Variants in TRIM55 observed in about 807,000 individuals in gnomAD.
TRIM55 encodes the protein tripartite motif-containing protein 55.
A neutral mutation model predicts 60.9 loss-of-function variants in TRIM55; 50 were observed. That is an observed-to-expected ratio of 0.82 (90% CI 0.65 to 1.04). TRIM55 has a LOEUF of 1.04. TRIM55 is among the 50% of genes least tolerant of loss of function. The pLI is 0.00. For synonymous variants in TRIM55, 237 were observed against 238.1 expected (o/e 1.00, Z 0.04); for missense variants, 681 against 666.9 (o/e 1.02, Z -0.23).
intron 9 of TRIM55, among the ~76,000 whole-genome samples, chr8:66,165,607 C>T (rs1167807155): frequency 1.3e-5 from 2 of 152,182 alleles, no homozygotes; most frequent in Non-Finnish European, 2.9e-5. Flanking sequence ...GAGATCCCTA[C>T]TGAGAGCAAT....
intron 9 of TRIM55, among the ~76,000 whole-genome samples, chr8:66,159,685 G>T (rs1012129747): frequency 3.3e-5 from 5 of 152,262 alleles, no homozygotes; most frequent in Admixed American, 6.5e-5. Flanking sequence ...CCTACTCTAC[G>T]TTCTACCAGC....
At chr8:66,115,275 G>A in the TRIM55 span, 1 of 152,092 alleles carries the variant, frequency 6.6e-6, no homozygotes, top group Admixed American at 6.5e-5. Flanking sequence ...TCATTTTCTA[G>A]GGTGGTCTCC....
intron 2 of TRIM55, among the ~76,000 whole-genome samples, chr8:66,134,748 G>A (rs1278928170): frequency 3.3e-5 from 5 of 152,072 alleles, no homozygotes; most frequent in East Asian, 1.9e-4. Flanking sequence ...GGATCTCCAC[G>A]TCTCTGTCCC....
chr8:66,149,671 G>A lies in TRIM55; in HGVS notation c.630G>A (p.Glu210=). 1 of 1,614,104 alleles carries A rather than the reference G, an allele frequency of 6.2e-7. No individual in the cohort carries two copies. The highest frequency in any genetic ancestry group is 1.1e-5 in the South Asian group (1 of 91,090). ...IEECCRKQKQ[E]LCEKFDYLYG... ...AATGTTGCAGAAAACAGAAACAAGA[G>A]CTTTGTGAGAAGTTTGATTACCTGT... The change falls in exon 5 of 10, where the codon GAG becomes GAA. Residue 210 remains glutamate (E), a synonymous_variant. Coordinates refer to ENST00000315962, the MANE Select transcript of TRIM55 (RefSeq NM_184085.2).
At chr8:66,149,911 C>T (rs977353893) in intron 5 of TRIM55, 33 bp downstream of exon 5, 11 of 1,524,002 alleles carry the variant, frequency 7.2e-6, no homozygotes, top group Non-Finnish European at 1.0e-5. Context: ...AGTAACAACC[C>T]AAAAGGTGGG....
intron 2 of TRIM55, among the ~76,000 whole-genome samples, chr8:66,131,281 T>C (rs568670446): frequency 1.3e-5 from 2 of 152,294 alleles, no homozygotes; most frequent in South Asian, 2.1e-4. Context: ...TCATTACTAC[T>C]GGGCCTCTGA....
chr8:66,114,477 G>A, the TRIM55 span: 2 of 445,970 alleles, frequency 4.5e-6, no homozygotes, highest in Admixed American at 2.4e-5. Context: ...GGTTATTTTT[G>A]CTTCAAAAAT....
intron 9 of TRIM55, among the ~76,000 whole-genome samples, chr8:66,170,103 A>G (rs1269073632): frequency 9.2e-5 from 14 of 152,164 alleles, no homozygotes; most frequent in Admixed American, 8.5e-4. Context: ...GGGAGTATAT[A>G]ATGTGTATAC....
chr8:66,124,320 C>T (rs568277490), upstream of TRIM55, among the ~76,000 whole-genome samples: 1 of 152,180 alleles, frequency 6.6e-6, no homozygotes, highest in Non-Finnish European at 1.5e-5. Flanking sequence ...AAACTTTTAA[C>T]GACTTCCTGC....
chr8:66,149,793 A>G lies in TRIM55; in HGVS notation c.752A>G (p.Tyr251Cys), dbSNP rs777051741. 2 of 1,614,104 alleles carry G rather than the reference A, an allele frequency of 1.2e-6. No homozygotes were observed. Among genetic ancestry groups the G allele is most frequent in the Non-Finnish European group, 1.7e-6 (2 of 1,180,024 alleles). ...LEHVRALIKK[Y>C]SDHLENVSKL... is the part of the protein sequence containing the mutation. ...CATGTCCGTGCTCTGATCAAAAAGT[A>G]TTCTGATCATTTGGAGAACGTCTCA... The change falls in exon 5 of 10, where the codon TAT (tyrosine) becomes TGT (cysteine). Residue 251 changes from tyrosine to cysteine, a missense_variant. Transcript: ENST00000315962.
chr8:66,144,084 G>T (rs1242976728), intron 4 of TRIM55, among the ~76,000 whole-genome samples: 1 of 152,096 alleles, frequency 6.6e-6, no homozygotes, highest in East Asian at 1.9e-4. Context: ...AAAATATAAA[G>T]GTGGCTAGAA....
At chr8:66,129,222 C>G (rs1158598755) in intron 2 of TRIM55, among the ~76,000 whole-genome samples, 2 of 152,196 alleles carry the variant, frequency 1.3e-5, no homozygotes, top group Non-Finnish European at 2.9e-5. Flanking sequence ...ATTCACCAAA[C>G]CACATTGGCT....
the TRIM55 span, among the ~76,000 whole-genome samples, chr8:66,120,871 C>A: frequency 1.3e-5 from 2 of 152,220 alleles, no homozygotes; most frequent in Non-Finnish European, 2.9e-5. Context: ...TGGGAACCTC[C>A]AAATTTGTAG....
chr8:66,170,189 C>A (rs1811545251), intron 9 of TRIM55, among the ~76,000 whole-genome samples: 1 of 152,090 alleles, frequency 6.6e-6, no homozygotes, highest in Admixed American at 6.5e-5. Flanking sequence ...ATTGCTAGAA[C>A]TTTTTCATCT....
chr8:66,113,993 G>C, the TRIM55 span, among the ~76,000 whole-genome samples: 5 of 151,066 alleles, frequency 3.3e-5, no homozygotes, highest in African/African-American at 9.7e-5. Context: ...CGCTCCCTTC[G>C]ATAGCTCAGC....
At chr8:66,152,207 C>T in intron 7 of TRIM55, 170 bp from the exon 8 acceptor site, 1 of 831,536 alleles carries the variant, frequency 1.2e-6, no homozygotes, top group Non-Finnish European at 1.8e-6. Context: ...AGTCCACATT[C>T]CACTAGAAGC....
chr8:66,166,698 A>G (rs1026728070), intron 9 of TRIM55, among the ~76,000 whole-genome samples: 2 of 152,220 alleles, frequency 1.3e-5, no homozygotes, highest in Non-Finnish European at 2.9e-5. Context: ...CCCATTTTAT[A>G]GTGGAGGAAA....
At chr8:66,135,501 T>C (rs1271849435) in intron 3 of TRIM55, among the ~76,000 whole-genome samples, 4 of 152,182 alleles carry the variant, frequency 2.6e-5, no homozygotes, top group Admixed American at 6.5e-5. Flanking sequence ...TGCTCCAGCT[T>C]ATGTGAAGTT....
At chr8:66,131,143 A>G (rs563711022) in intron 2 of TRIM55, among the ~76,000 whole-genome samples, 7 of 152,308 alleles carry the variant, frequency 4.6e-5, no homozygotes, top group African/African-American at 1.7e-4. Flanking sequence ...CAGGGTGCCT[A>G]ACACATGAAT....
Sources: gnomAD v4.1 joint callset for allele counts (sites outside exome capture counted in the v4.1 genomes callset) on GRCh38, gnomAD v4.1.1 for gene constraint, MANE v1.5 for transcripts, NCBI Gene and HGNC (gene_info 2026-07-23, HGNC 2026-07-21) for gene names.